Variants in VPS13B observed in about 807,000 individuals in gnomAD.
VPS13B encodes the protein vacuolar protein sorting 13 homolog B, also known as intermembrane lipid transfer protein VPS13B.
In VPS13B, 285 loss-of-function variants were observed where a neutral mutation model predicts 426.4. The ratio of observed to expected loss-of-function variants is 0.67; its 90% CI spans 0.61 to 0.74. The LOEUF (loss-of-function observed/expected upper bound fraction) is 0.74, where lower values mean the gene tolerates loss of function less well. Ranked by LOEUF, VPS13B falls within the 30% of genes least tolerant of loss-of-function variation. The pLI is 0.00. For missense variants in VPS13B, 4,537 were observed against 4,782.6 expected, an observed-to-expected ratio of 0.95 and a Z score of 1.51; for synonymous variants, 1,676 against 1,676.4, an observed-to-expected ratio of 1.00 and a Z score of 0.01.
chr8:99,312,492 T>C (rs1391515372), intron 19 of VPS13B, among the ~76,000 whole-genome samples: 1 of 152,234 alleles, frequency 6.6e-6, no homozygotes, highest in Non-Finnish European at 1.5e-5. Context: ...TGTTGAATAT[T>C]GGCCCCCACT....
At chr8:99,669,637 C>A (rs1262384773) in intron 35 of VPS13B, among the ~76,000 whole-genome samples, 1 of 151,990 alleles carries the variant, frequency 6.6e-6, no homozygotes. Context: ...AATGCATGGC[C>A]ACTGGTCTTT....
chr8:99,602,249 T>C (rs1306617150), intron 33 of VPS13B, among the ~76,000 whole-genome samples: 1 of 152,210 alleles, frequency 6.6e-6, no homozygotes, highest in Admixed American at 6.5e-5. Context: ...ATTTATTAAA[T>C]AGGGAATCCT....
At chr8:99,198,509 T>C (rs1460264600) in intron 17 of VPS13B, among the ~76,000 whole-genome samples, 2 of 152,112 alleles carry the variant, frequency 1.3e-5, no homozygotes, top group African/African-American at 4.8e-5. Context: ...GACTGTGCTA[T>C]GAAAAAGCAT....
chr8:99,423,213 C>G (rs1312529478), intron 21 of VPS13B, among the ~76,000 whole-genome samples: 1 of 151,770 alleles, frequency 6.6e-6, no homozygotes, highest in East Asian at 1.9e-4. Context: ...TTACTATTTC[C>G]ATAGCATATT....
At chr8:99,480,451 A>G (rs1819977517) in intron 24 of VPS13B, among the ~76,000 whole-genome samples, 2 of 152,110 alleles carry the variant, frequency 1.3e-5, no homozygotes, top group Admixed American at 6.5e-5. Context: ...CACTCTCTTT[A>G]TTTATCAGTT....
rs1811205222 is a variant in VPS13B, at chr8:99,153,811, C to G, written c.2014-2738C>G. 2.0e-5 allele frequency among the ~76,000 whole-genome samples: 3 copies of G among 151,060 alleles called. No individual in the cohort carries two copies. In the South Asian group the frequency reaches 6.3e-4, roughly 32 times the overall value. ...TTTTTTTTTATGTAGATGTGAAATT[C>G]TGACCTTTATCATTTTTCTTCTCTC... On this transcript the variant is annotated intron_variant, in intron 14 of 61. Transcript: ENST00000357162.
chr8:99,782,152 T>C (rs1045367603), intron 42 of VPS13B, among the ~76,000 whole-genome samples: 1 of 152,194 alleles, frequency 6.6e-6, no homozygotes, highest in African/African-American at 2.4e-5. Flanking sequence ...TAAAAATCCA[T>C]ACTTCCTGTA....
At chr8:99,359,307 T>A (rs1812366582) in intron 19 of VPS13B, among the ~76,000 whole-genome samples, 1 of 152,186 alleles carries the variant, frequency 6.6e-6, no homozygotes, top group Non-Finnish European at 1.5e-5. Flanking sequence ...TTTTGTACTT[T>A]GAACAGTTGG....
chr8:99,436,968 T>G (rs1267359066), intron 22 of VPS13B, among the ~76,000 whole-genome samples: 1 of 152,178 alleles, frequency 6.6e-6, no homozygotes, highest in Non-Finnish European at 1.5e-5. Context: ...CTCCATCTCC[T>G]GACCTCGTGA....
intron 7 of VPS13B, among the ~76,000 whole-genome samples, chr8:99,120,906 C>G (rs1847901079): frequency 6.6e-6 from 1 of 152,078 alleles, no homozygotes; most frequent in Admixed American, 6.5e-5. Context: ...TTGTCTTTAT[C>G]AAATACAGTT....
At chr8:99,629,802 A>T (rs1327680373) in intron 33 of VPS13B, among the ~76,000 whole-genome samples, 4 of 152,158 alleles carry the variant, frequency 2.6e-5, no homozygotes, top group African/African-American at 4.8e-5. Context: ...CCTGAGGCCT[A>T]CTAGTTTACA....
chr8:99,673,498 C>T (rs1830801954), intron 35 of VPS13B, among the ~76,000 whole-genome samples: 1 of 151,844 alleles, frequency 6.6e-6, no homozygotes, highest in Admixed American at 6.6e-5. Context: ...TGAGTCTTCT[C>T]TTTTTTGTTC....
chr8:99,745,489 A>T (rs1349245), intron 39 of VPS13B, among the ~76,000 whole-genome samples: 4,659 of 152,214 alleles, frequency 0.031, 95 homozygotes, highest in East Asian at 0.047. Context: ...TATTAACATA[A>T]CTTTTATTAC....
At chr8:99,730,511 ATGT>A (rs1833549886) in intron 39 of VPS13B, among the ~76,000 whole-genome samples, 1 of 152,178 alleles carries the variant, frequency 6.6e-6, no homozygotes, top group African/African-American at 2.4e-5. Context: ...TGTCTTCATA[ATGT>A]TGTAAAAGTA....
chr8:99,346,419 C>CT (rs1480831230), intron 19 of VPS13B: 3 of 152,268 alleles, frequency 2.0e-5, no homozygotes, highest in African/African-American at 7.2e-5. Flanking sequence ...TGATAACCAT[C>CT]TATCTGATGG....
intron 30 of VPS13B, among the ~76,000 whole-genome samples, chr8:99,525,574 G>A (rs767781119): frequency 1.3e-5 from 2 of 151,978 alleles, no homozygotes; most frequent in Non-Finnish European, 2.9e-5. Context: ...TAATAAATGG[G>A]GCTTTTTGTT....
Position 99,397,033 on chromosome 8 carries a change from GTACATTGTTTATATTACAGA to G in VPS13B, c.3082+5332_3082+5351del, listed in dbSNP as rs1168803029. 3.9e-5 allele frequency among the ~76,000 whole-genome samples: 6 copies of G among 152,192 alleles called. 1 individual carries two copies. The South Asian group carries it at 1.2e-3, about 32-fold the overall frequency. ...ATGAAAAATCTTGAAATCTTAAAAA[GTACATTGTTTATATTACAGA>G]TAATAAAAGGCTTTAGATTATTGTT... is the stretch of plus-strand genomic sequence containing the variant. On this transcript the variant is annotated intron_variant, in intron 21 of 61. Coordinates refer to ENST00000357162, the MANE Select transcript of VPS13B (RefSeq NM_152564.5).
chr8:99,435,344 G>A (rs1214098050), intron 22 of VPS13B, among the ~76,000 whole-genome samples: 1 of 152,092 alleles, frequency 6.6e-6, no homozygotes, highest in East Asian at 1.9e-4. Flanking sequence ...ATTGAATAAT[G>A]TGGTATAATT....
chr8:99,211,822 T>G (rs1815104440), intron 17 of VPS13B, among the ~76,000 whole-genome samples: 1 of 152,146 alleles, frequency 6.6e-6, no homozygotes, highest in Non-Finnish European at 1.5e-5. Flanking sequence ...CTTTTGTTCT[T>G]TCAGTAGTAC....
Sources: allele counts gnomAD v4.1 joint callset (sites outside exome capture counted in the v4.1 genomes callset), GRCh38; gene constraint gnomAD v4.1.1; transcripts MANE v1.5; gene names NCBI Gene and HGNC (gene_info 2026-07-23, HGNC 2026-07-21).